Variants in PRRC2B observed in about 807,000 individuals in gnomAD.
PRRC2B encodes protein PRRC2B.
In PRRC2B, 68 loss-of-function variants were observed where a neutral mutation model predicts 242.3. That is an observed-to-expected ratio of 0.28 (90% CI 0.23 to 0.34). The LOEUF (loss-of-function observed/expected upper bound fraction) is 0.34. Among genes scored for constraint, PRRC2B ranks in the 10% least tolerant of loss-of-function variants. The pLI is 1.00. For synonymous variants in PRRC2B, 1,228 were observed against 1,173.6 expected, an observed-to-expected ratio of 1.05 and a Z score of -0.95; for missense variants, 2,835 against 2,954.8, an observed-to-expected ratio of 0.96 and a Z score of 0.94.
intron 1 of PRRC2B, among the ~76,000 whole-genome samples, chr9:131,377,862 C>G (rs1207300002): frequency 6.6e-6 from 1 of 152,154 alleles, no homozygotes; most frequent in Non-Finnish European, 1.5e-5. Context: ...CTGAAGTGAT[C>G]CTCCTGCCTT....
chr9:131,493,869 C>CG (rs1308290278), intron 30 of PRRC2B, among the ~76,000 whole-genome samples: 45 of 150,114 alleles, frequency 3.0e-4, no homozygotes, highest in East Asian at 2.7e-3. Context: ...TGACCGCAGA[C>CG]TTTTTTTTTT....
Position 131,487,170 on chromosome 9 carries a change from G to A in PRRC2B, c.5860G>A (p.Ala1954Thr), listed in dbSNP as rs756979652. 2.4e-5 allele frequency: 38 copies of A among 1,613,286 alleles called. 1 individual carries two copies. In the South Asian group the frequency reaches 2.7e-4, roughly 12 times the overall value. Reference protein sequence around the residue: ...IPQQQSYQQAAAAQQIPISLH... With the variant: ...IPQQQSYQQATAAQQIPISLH... The stretch of plus-strand genomic sequence containing the variant: ...GACCCCGTTTTCCCGTTCACAGGCC[G>A]CCGCTGCCCAGCAGATCCCGATCTC... The change falls in exon 27 of 32, where the codon GCC becomes ACC. Residue 1954 changes from alanine (A) to threonine (T), a missense_variant. By Grantham distance (58) the Ala-to-Thr change is moderately conservative (BLOSUM62 0). Coordinates refer to ENST00000683519, the MANE Select transcript of PRRC2B (RefSeq NM_013318.4). The surrounding 1 kb of genome is among the most constrained non-coding windows in gnomAD (Gnocchi z 5.3).
chr9:131,399,536 G>A (rs139374148), intron 1 of PRRC2B, among the ~76,000 whole-genome samples: 18,990 of 151,906 alleles, frequency 0.13, 1,272 homozygotes, highest in African/African-American at 0.15. Context: ...CCGAGATCAC[G>A]ACACTGCACT....
chr9:131,491,233 TC>T (rs1268058163), intron 28 of PRRC2B, 191 bp from the exon 29 acceptor site: 1 of 548,902 alleles, frequency 1.8e-6, no homozygotes, highest in Non-Finnish European at 3.1e-6. Context: ...GCCTCTGCCA[TC>T]GAAGGTGTGA....
intron 25 of PRRC2B, chr9:131,485,561 G>C: frequency 7.7e-6 from 4 of 521,520 alleles, no homozygotes; most frequent in South Asian, 4.3e-5. Context: ...TATCAACAGA[G>C]CCCTCAGTCA....
At chr9:131,424,914 T>A (rs980928908) in intron 1 of PRRC2B, among the ~76,000 whole-genome samples, 1 of 152,200 alleles carries the variant, frequency 6.6e-6, no homozygotes, top group Non-Finnish European at 1.5e-5. Flanking sequence ...GTAGACAGAC[T>A]GACATCTCGT....
At position 131,496,633 on chromosome 9, in the gene PRRC2B, G is replaced by T. The variant is rs1483919726; in HGVS notation, c.*759G>T. 2 of 150,436 alleles carry T rather than the reference G, an allele frequency of 1.3e-5. No homozygotes were observed. The highest frequency in any genetic ancestry group is 3.9e-4 in the East Asian group (2 of 5,164). The allele number at this position is 150,436 out of a possible 1,614,324, so 9.3% of individuals were successfully genotyped here. A position where few individuals can be genotyped will look rare whatever the true frequency, so the allele number is the denominator to read the frequency against. On this transcript the variant is annotated 3_prime_UTR_variant, in exon 32 of 32. Coordinates refer to ENST00000683519, the MANE Select transcript of PRRC2B (RefSeq NM_013318.4). ...GCAGCAGGCAGGTTGGGGGAGGGGG[G>T]GGGTCATAGTTGGGTTCCAGCTCCT... is the stretch of plus-strand genomic sequence containing the variant.
chr9:131,378,341 G>T (rs1175645803), intron 1 of PRRC2B, among the ~76,000 whole-genome samples: 1 of 151,336 alleles, frequency 6.6e-6, no homozygotes, highest in Non-Finnish European at 1.5e-5. Flanking sequence ...GTCCTGGCAG[G>T]CCTGTGCTCA....
chr9:131,429,778 T>TTTAC (rs1175836887), intron 1 of PRRC2B, among the ~76,000 whole-genome samples: 1 of 152,108 alleles, frequency 6.6e-6, no homozygotes, highest in Admixed American at 6.6e-5. Flanking sequence ...TCTGTTGAAG[T>TTTAC]TTACATGTCA....
At chr9:131,401,177 A>G (rs548932086) in intron 1 of PRRC2B, among the ~76,000 whole-genome samples, 4 of 152,146 alleles carry the variant, frequency 2.6e-5, no homozygotes, top group African/African-American at 9.6e-5. Context: ...AATTTTAAAA[A>G]TTGTGGTGAA....
chr9:131,430,012 T>C (rs1234204751), intron 1 of PRRC2B, 82 bp from the exon 2 acceptor site: 1 of 624,622 alleles, frequency 1.6e-6, no homozygotes, highest in Non-Finnish European at 2.8e-6. Context: ...TTCACTCCTC[T>C]GGATCAGAGG....
chr9:131,456,102 A>G (rs901411732), intron 10 of PRRC2B, among the ~76,000 whole-genome samples: 4 of 151,772 alleles, frequency 2.6e-5, no homozygotes, highest in African/African-American at 9.7e-5. Flanking sequence ...GACAGAGCAA[A>G]ACTCTGTCTC....
Position 131,484,787 on chromosome 9 carries a change from G to C in PRRC2B, c.5562G>C (p.Leu1854=). Residue 1854 remains leucine (L), a synonymous_variant, in exon 24 of 32, where the codon CTG becomes CTC. Transcript: ENST00000683519. ...PMSFPTADLT[L]KMESARKAWE... ...CCTTCCCCACCGCCGACCTTACTCT[G>C]AAGGTAACACCAGCCCTGAGCTGGG... The C allele has an allele frequency of 6.2e-7, 1 of 1,607,482 alleles. No homozygotes were observed. Among genetic ancestry groups the C allele is most frequent in the Non-Finnish European group, 8.5e-7 (1 of 1,176,212 alleles).
chr9:131,428,664 T>TG (rs1325832515), intron 1 of PRRC2B, among the ~76,000 whole-genome samples: 3 of 152,108 alleles, frequency 2.0e-5, no homozygotes, highest in Admixed American at 6.6e-5. Flanking sequence ...CCCAAAGTGT[T>TG]GGGATTATAG....
rs1160271541 is a variant in PRRC2B, at chr9:131,458,339, AGACTCAGCTACT to A, written c.1212-820_1212-809del. On this transcript the variant is annotated intron_variant, in intron 10 of 31. Coordinates refer to ENST00000683519, the MANE Select transcript of PRRC2B (RefSeq NM_013318.4). ...GAGGGGTGCCCCGTTAACCTTGATG[AGACTCAGCTACT>A]GACTTTTTAAATCAAGAGTGTCCAA... Among the ~76,000 whole-genome samples, 10 of 152,200 alleles carry A rather than the reference AGACTCAGCTACT, an allele frequency of 6.6e-5. No homozygotes were observed. The East Asian group carries it at 9.6e-4, about 15-fold the overall frequency.
chr9:131,446,158 T>G lies in PRRC2B; in HGVS notation c.614-243T>G, dbSNP rs1838793467. On this transcript the variant is annotated intron_variant, in intron 6 of 31. Coordinates refer to ENST00000683519, the MANE Select transcript of PRRC2B (RefSeq NM_013318.4). The surrounding 1 kb of genome is among the most constrained non-coding windows in gnomAD (Gnocchi z 4.1). ...TGATTGTTGCTTACTGATGAAGCCTTCTCTCTGAGTAGATCTCATTTTATA... is the reference window on the plus strand; with the variant it reads ...TGATTGTTGCTTACTGATGAAGCCTGCTCTCTGAGTAGATCTCATTTTATA... 6.6e-6 allele frequency among the ~76,000 whole-genome samples: 1 copy of G among 152,190 alleles called. No homozygotes were observed. The highest frequency in any genetic ancestry group is 1.5e-5 in the Non-Finnish European group (1 of 68,030).
At position 131,487,569 on chromosome 9, in the gene PRRC2B, C is replaced by G. The variant is rs1200308784; in HGVS notation, c.5984+275C>G. 6.6e-6 allele frequency among the ~76,000 whole-genome samples: 1 copy of G among 152,194 alleles called. No individual in the cohort carries two copies. The highest frequency in any genetic ancestry group is 1.9e-4 in the East Asian group (1 of 5,194). ...CTTCCTCCTCCTCTCCCCTTGACTC[C>G]CTGTCTCCTCCCCACCGCGGGCTTC... On this transcript the variant is annotated intron_variant, in intron 27 of 31. Coordinates refer to ENST00000683519, the MANE Select transcript of PRRC2B (RefSeq NM_013318.4). The surrounding 1 kb of genome is among the most constrained non-coding windows in gnomAD (Gnocchi z 5.3).
intron 1 of PRRC2B, among the ~76,000 whole-genome samples, chr9:131,388,389 C>T (rs1169225602): frequency 1.3e-5 from 2 of 148,474 alleles, no homozygotes; most frequent in African/African-American, 2.4e-5. Context: ...TACAGGCATA[C>T]ACCACCACAC....
chr9:131,432,907 C>T, intron 3 of PRRC2B, 113 bp downstream of exon 3: 2 of 1,046,650 alleles, frequency 1.9e-6, no homozygotes, highest in Non-Finnish European at 2.8e-6. Flanking sequence ...GCTAGTCTTG[C>T]AGTGGCAGAA....
Sources: gnomAD v4.1 joint callset for allele counts (sites outside exome capture counted in the v4.1 genomes callset) on GRCh38, gnomAD v4.1.1 for gene constraint, Gnocchi (gnomAD v3.1) non-coding constraint, MANE v1.5 for transcripts, NCBI Gene and HGNC (gene_info 2026-07-23, HGNC 2026-07-21) for gene names.